The following PTPRD variants were observed in gnomAD, a reference collection of about 807,000 sequenced individuals.
PTPRD encodes protein tyrosine phosphatase receptor type D.
PTPRD carries 34 observed loss-of-function variants against 214.5 expected under a neutral mutation model. The ratio of observed to expected loss-of-function variants is 0.16; its 90% CI spans 0.12 to 0.21. The LOEUF is 0.21. Ranked by LOEUF, PTPRD falls within the 10% of genes least tolerant of loss-of-function variation. The probability of loss-of-function intolerance (pLI) is 1.00; values close to 1 mark genes in which losing one functional copy is unlikely to be tolerated. For missense variants in PTPRD, 2,545 were observed against 2,398.7 expected (o/e 1.06, Z -1.27); for synonymous variants, 1,128 against 845.7 (o/e 1.33, Z -5.79).
At chr9:8,398,875 T>G (rs1453232744) in intron 36 of PTPRD, among the ~76,000 whole-genome samples, 1 of 152,156 alleles carries the variant, frequency 6.6e-6, no homozygotes, top group Admixed American at 6.5e-5. Context: ...CAGTCTGTGG[T>G]ATTTTGTTAT....
chr9:8,856,618 C>T (rs2097920439), intron 11 of PTPRD, among the ~76,000 whole-genome samples: 1 of 152,198 alleles, frequency 6.6e-6, no homozygotes, highest in South Asian at 2.1e-4. Flanking sequence ...AAGGTGCAAA[C>T]TGTAGATGAG....
intron 2 of PTPRD, among the ~76,000 whole-genome samples, chr9:10,496,395 A>G (rs547392651): frequency 1.3e-5 from 2 of 151,414 alleles, no homozygotes; most frequent in South Asian, 4.2e-4. Flanking sequence ...AATGTATTAA[A>G]TTTATTAAAT....
chr9:9,025,070 A>G (rs556172670), intron 10 of PTPRD, among the ~76,000 whole-genome samples: 4 of 151,964 alleles, frequency 2.6e-5, no homozygotes, highest in African/African-American at 7.2e-5. Flanking sequence ...AATTTTTTGG[A>G]TTGTTTACAT....
chr9:10,500,026 T>C (rs562845780), intron 2 of PTPRD, among the ~76,000 whole-genome samples: 2 of 150,754 alleles, frequency 1.3e-5, no homozygotes, highest in African/African-American at 4.9e-5. Flanking sequence ...AATATCTTTA[T>C]AAGACCATGA....
At chr9:9,965,162 A>C (rs2094598718) in intron 4 of PTPRD, among the ~76,000 whole-genome samples, 1 of 152,160 alleles carries the variant, frequency 6.6e-6, no homozygotes, top group South Asian at 2.1e-4. Flanking sequence ...CTGCCCTTAA[A>C]AATTGCAAGA....
chr9:8,864,752 T>G (rs1223710440), intron 11 of PTPRD, among the ~76,000 whole-genome samples: 4 of 152,216 alleles, frequency 2.6e-5, no homozygotes, highest in African/African-American at 9.6e-5. Context: ...GATCTTGCTT[T>G]GTTTTCCATA....
At chr9:10,291,508 AAGGT>A (rs2095527293) in intron 3 of PTPRD, among the ~76,000 whole-genome samples, 2 of 152,182 alleles carry the variant, frequency 1.3e-5, no homozygotes, top group East Asian at 3.9e-4. Flanking sequence ...CAGTGGAGCA[AAGGT>A]AGATTTTACC....
intron 3 of PTPRD, among the ~76,000 whole-genome samples, chr9:10,238,190 G>A (rs1266552313): frequency 6.7e-6 from 1 of 150,128 alleles, no homozygotes; most frequent in African/African-American, 2.4e-5. Flanking sequence ...TAAAGGACAG[G>A]AAGAAAAAGC....
At chr9:9,613,323 A>G (rs1361296820) in intron 7 of PTPRD, among the ~76,000 whole-genome samples, 1 of 152,044 alleles carries the variant, frequency 6.6e-6, no homozygotes, top group African/African-American at 2.4e-5. Flanking sequence ...ATCAGTTATT[A>G]AATTATCACA....
chr9:8,508,688 T>C (rs531954610), intron 21 of PTPRD, among the ~76,000 whole-genome samples: 1 of 152,254 alleles, frequency 6.6e-6, no homozygotes, highest in African/African-American at 2.4e-5. Flanking sequence ...AAAATACATA[T>C]AATACAGTAT....
intron 10 of PTPRD, among the ~76,000 whole-genome samples, chr9:9,058,300 A>G (rs1447530437): frequency 6.6e-6 from 1 of 152,128 alleles, no homozygotes; most frequent in Non-Finnish European, 1.5e-5. Context: ...CCCATGAAGC[A>G]TAAAAGGAGC....
At chr9:8,851,721 A>T (rs1259896298) in intron 11 of PTPRD, among the ~76,000 whole-genome samples, 1 of 152,232 alleles carries the variant, frequency 6.6e-6, no homozygotes, top group Non-Finnish European at 1.5e-5. Flanking sequence ...CAAACTGGAT[A>T]TTCATTACAT....
intron 23 of PTPRD, among the ~76,000 whole-genome samples, chr9:8,504,012 A>G (rs2097482703): frequency 1.3e-5 from 2 of 152,210 alleles, no homozygotes; most frequent in Admixed American, 6.5e-5. Context: ...CATTTCACCC[A>G]TGGACGTCTA....
chr9:9,507,467 A>G (rs1180831370), intron 8 of PTPRD, among the ~76,000 whole-genome samples: 2 of 151,292 alleles, frequency 1.3e-5, no homozygotes, highest in Non-Finnish European at 3.0e-5. Context: ...AAAAATACTC[A>G]GCTGAAAATA....
At chr9:9,661,009 T>G (rs2096612319) in intron 7 of PTPRD, among the ~76,000 whole-genome samples, 2 of 151,992 alleles carry the variant, frequency 1.3e-5, no homozygotes, top group African/African-American at 4.8e-5. Flanking sequence ...GGTAATGATC[T>G]AAATGTCCAT....
At chr9:8,643,235 T>G (rs2096615034) in intron 12 of PTPRD, among the ~76,000 whole-genome samples, 1 of 152,202 alleles carries the variant, frequency 6.6e-6, no homozygotes, top group African/African-American at 2.4e-5. Flanking sequence ...TGCACTAGAC[T>G]AAATGTTTAA....
rs1380337453 is a variant in PTPRD, at chr9:9,470,127, G to C, written c.-236-72645C>G. On this transcript the variant is annotated intron_variant, in intron 8 of 45. Transcript: ENST00000381196. ...GTGGTGGCCAGGCTGTCAGGTCACA[G>C]TGGGTTGAATGAACTAGTGGTGTTA... 7.2e-5 allele frequency among the ~76,000 whole-genome samples: 11 copies of C among 152,334 alleles called. No homozygotes were observed. In the East Asian group the frequency reaches 2.1e-3, roughly 29 times the overall value.
intron 4 of PTPRD, among the ~76,000 whole-genome samples, chr9:9,987,399 G>A (rs559129240): frequency 2.6e-4 from 39 of 152,232 alleles, no homozygotes; most frequent in African/African-American, 4.6e-4. Context: ...CTGGGGAGGC[G>A]TTGCAATCAT....
At position 8,738,555 on chromosome 9, in the gene PTPRD, T is replaced by TA. The variant is rs542062239; in HGVS notation, c.-103-4610dup. Among the ~76,000 whole-genome samples, 194 of 145,400 alleles carry TA rather than the reference T, an allele frequency of 1.3e-3. 1 individual carries two copies. The highest frequency in any genetic ancestry group is 7.2e-3 in the Middle Eastern group (2 of 278). On this transcript the variant is annotated intron_variant, in intron 11 of 45. Coordinates refer to ENST00000381196, the MANE Select transcript of PTPRD (RefSeq NM_002839.4). The stretch of plus-strand genomic sequence containing the variant: ...AGTTGTCGGAACTACTAGGCTATAT[T>TA]AAAAAAAAAAAATCCAAGATGATGA...
Sources: gnomAD v4.1 joint callset for allele counts (sites outside exome capture counted in the v4.1 genomes callset) on GRCh38, gnomAD v4.1.1 for gene constraint, MANE v1.5 for transcripts, NCBI Gene and HGNC (gene_info 2026-07-23, HGNC 2026-07-21) for gene names.